Variants in LAMA2 observed in about 807,000 individuals in gnomAD.
The protein encoded by LAMA2 is laminin subunit alpha 2.
LAMA2 carries 269 observed loss-of-function variants against 364.8 expected under a neutral mutation model. The ratio of observed to expected loss-of-function variants is 0.74; its 90% CI spans 0.67 to 0.82. The LOEUF (loss-of-function observed/expected upper bound fraction) is 0.82, where lower values mean the gene tolerates loss of function less well. Ranked by LOEUF, LAMA2 falls within the 40% of genes least tolerant of loss-of-function variation. LAMA2 has a pLI of 0.00. For synonymous variants in LAMA2, 1,379 were observed against 1,370.6 expected (o/e 1.01, Z -0.14); for missense variants, 3,807 against 3,873.2 (o/e 0.98, Z 0.45).
At chr6:129,295,944 T>C (rs1773153550) in intron 20 of LAMA2, among the ~76,000 whole-genome samples, 1 of 151,966 alleles carries the variant, frequency 6.6e-6, no homozygotes, top group Admixed American at 6.6e-5. Flanking sequence ...GTTTAGTCTT[T>C]TTGTCTATGT....
At chr6:129,135,323 C>T (rs989758849) in intron 4 of LAMA2, among the ~76,000 whole-genome samples, 16 of 152,154 alleles carry the variant, frequency 1.1e-4, no homozygotes. Flanking sequence ...CACTACAAGT[C>T]TTCAAAAGGG....
chr6:129,219,524 A>G (rs1222543281), intron 12 of LAMA2, among the ~76,000 whole-genome samples: 1 of 151,468 alleles, frequency 6.6e-6, no homozygotes, highest in Non-Finnish European at 1.5e-5. Context: ...AGACACATGC[A>G]CACGTATGTT....
At chr6:128,961,304 G>T (rs1781473302) in intron 1 of LAMA2, among the ~76,000 whole-genome samples, 1 of 104,922 alleles carries the variant, frequency 9.5e-6, no homozygotes, top group Non-Finnish European at 2.0e-5. Flanking sequence ...TCTGTAGAGG[G>T]ACAGAACTAA....
chr6:129,192,240 G>A (rs769336230), intron 11 of LAMA2, among the ~76,000 whole-genome samples: 1 of 152,116 alleles, frequency 6.6e-6, no homozygotes, highest in Non-Finnish European at 1.5e-5. Context: ...AAATACATAC[G>A]CAATACTTTT....
intron 12 of LAMA2, among the ~76,000 whole-genome samples, chr6:129,194,665 T>C (rs1410194005): frequency 1.3e-5 from 2 of 152,202 alleles, no homozygotes; most frequent in Non-Finnish European, 2.9e-5. Flanking sequence ...GAGGACATTT[T>C]TAATGTAACG....
chr6:128,966,107 A>T (rs945315465), intron 1 of LAMA2, among the ~76,000 whole-genome samples: 34 of 151,188 alleles, frequency 2.2e-4, no homozygotes, highest in Admixed American at 6.6e-4. Context: ...TTTTGAATAC[A>T]TTTTTAATAT....
intron 12 of LAMA2, among the ~76,000 whole-genome samples, chr6:129,243,467 G>A (rs1232378067): frequency 1.3e-5 from 2 of 151,872 alleles, no homozygotes; most frequent in African/African-American, 4.8e-5. Context: ...TTATGAGAAT[G>A]TGGAGTTATA....
intron 10 of LAMA2, among the ~76,000 whole-genome samples, chr6:129,186,354 C>T (rs1416293962): frequency 1.3e-5 from 2 of 151,532 alleles, no homozygotes; most frequent in East Asian, 1.9e-4. Context: ...CTTCATCATT[C>T]GATATTTAGG....
In LAMA2 at chr6:128,903,407, A is replaced by G. The variant is rs561355538; in HGVS notation, c.112+20050A>G. Among the ~76,000 whole-genome samples, 203 of 152,330 alleles carry G rather than the reference A, an allele frequency of 1.3e-3. 1 individual carries two copies. The highest frequency in any genetic ancestry group is 2.5e-3 in the Non-Finnish European group (167 of 68,036). On this transcript the variant is annotated intron_variant, in intron 1 of 64. Transcript: ENST00000421865. ...ATGTGTGCTTTCAATTCTGTTTTAA[A>G]GAAATTGCCATTGATTTACATGGTT... is the stretch of plus-strand genomic sequence containing the variant.
intron 55 of LAMA2, among the ~76,000 whole-genome samples, chr6:129,484,624 C>A (rs984338275): frequency 3.3e-5 from 5 of 151,988 alleles, no homozygotes; most frequent in African/African-American, 1.2e-4. Context: ...AATATAACAA[C>A]ATAATAAATA....
intron 51 of LAMA2, among the ~76,000 whole-genome samples, chr6:129,466,866 A>G (rs561699897): frequency 6.6e-6 from 1 of 151,880 alleles, no homozygotes; most frequent in Non-Finnish European, 1.5e-5. Flanking sequence ...TTTATCCTGA[A>G]AGCCATAGGG....
Position 128,883,194 on chromosome 6 carries a change from C to T in LAMA2, c.-52C>T, listed in dbSNP as rs1775901417. 1.3e-6 allele frequency: 2 copies of T among 1,509,138 alleles called. No homozygotes were observed. Among genetic ancestry groups the T allele is most frequent in the African/African-American group, 2.8e-5 (2 of 72,282 alleles). The allele number at this position is 1,509,138 out of a possible 1,614,324, so 93.5% of individuals were successfully genotyped here. A position where few individuals can be genotyped will look rare whatever the true frequency, so the allele number is the denominator to read the frequency against. ...CACAAGCCAAGGCCAGGGGACAGGG[C>T]GGCAGCGACTCCTCTGGCTCCCGAG... On this transcript the variant is annotated 5_prime_UTR_variant, in exon 1 of 65. Coordinates refer to ENST00000421865, the MANE Select transcript of LAMA2 (RefSeq NM_000426.4).
At chr6:129,045,027 T>C (rs1158709450) in intron 1 of LAMA2, among the ~76,000 whole-genome samples, 1 of 152,176 alleles carries the variant, frequency 6.6e-6, no homozygotes, top group Non-Finnish European at 1.5e-5. Flanking sequence ...GAAGATTCAA[T>C]AAAAGCTCAG....
chr6:129,315,776 G>A lies in LAMA2; in HGVS notation c.3750G>A (p.Gly1250=), dbSNP rs754604600. The change falls in exon 26 of 65, where the codon GGG becomes GGA. Residue 1250 remains glycine (G), a synonymous_variant. Transcript: ENST00000421865. ...TATTTTGTCAGTTGATGGCCTATGG[G>A]GGCAAACTCAAGTATGCAATCTATT... ...QFEGKKLMAY[G]GKLKYAIYFE... The A allele has an allele frequency of 6.2e-7, 1 of 1,613,848 alleles. No homozygotes were observed. The highest frequency in any genetic ancestry group is 1.1e-5 in the South Asian group (1 of 91,062).
At chr6:129,038,403 G>C (rs895187364) in intron 1 of LAMA2, among the ~76,000 whole-genome samples, 10 of 152,104 alleles carry the variant, frequency 6.6e-5, no homozygotes, top group Non-Finnish European at 1.5e-4. Flanking sequence ...TCTTGATCAT[G>C]AGCAACAGGA....
At chr6:128,984,533 C>T (rs567604864) in intron 1 of LAMA2, among the ~76,000 whole-genome samples, 1 of 152,154 alleles carries the variant, frequency 6.6e-6, no homozygotes, top group African/African-American at 2.4e-5. Context: ...TTTGTGGACA[C>T]TTCTGGAAAA....
At chr6:129,478,546 C>A in intron 53 of LAMA2, 147 bp from the exon 54 acceptor site, 1 of 789,110 alleles carries the variant, frequency 1.3e-6, no homozygotes, top group Non-Finnish European at 2.2e-6. Context: ...ACAATGGAAA[C>A]CAGAGTTTGC....
rs372396435 is a variant in LAMA2 at position 129,402,208 on chromosome 6, C to CA, written c.5563-97dup. The CA allele has an allele frequency of 0.26, 114,004 of 436,882 alleles. 22 individuals are homozygous for CA. The highest frequency in any genetic ancestry group is 0.3 in the South Asian group (13,106 of 43,358). 27.1% of individuals were successfully genotyped at this position (436,882 alleles called of 1,614,324 possible). A position where few individuals can be genotyped will look rare whatever the true frequency, so the allele number is the denominator to read the frequency against. ...TGGGTGACAGAGCAAGACTCTGTCT[C>CA]AAAAAAAAAAAAAAAAAAACTAAAC... On this transcript the variant is annotated intron_variant, in intron 38 of 64. Transcript: ENST00000421865.
intron 34 of LAMA2, among the ~76,000 whole-genome samples, chr6:129,370,360 G>A (rs951936011): frequency 6.6e-6 from 1 of 152,154 alleles, no homozygotes; most frequent in African/African-American, 2.4e-5. Context: ...TCATCTCATC[G>A]TGGGATTTTT....
Sources: gnomAD v4.1 joint callset for allele counts (sites outside exome capture counted in the v4.1 genomes callset) on GRCh38, gnomAD v4.1.1 for gene constraint, MANE v1.5 for transcripts, NCBI Gene and HGNC (gene_info 2026-07-23, HGNC 2026-07-21) for gene names.